INPP4B: variants seen among roughly 807,000 people sequenced by gnomAD.
INPP4B encodes the protein inositol polyphosphate 4-phosphatase type II.
Under a neutral mutation model 122.5 loss-of-function variants are expected in INPP4B, and 55 were observed. The ratio of observed to expected loss-of-function variants is 0.45; its 90% confidence interval spans 0.36 to 0.56. The LOEUF (loss-of-function observed/expected upper bound fraction) is 0.56. Ranked by LOEUF, INPP4B falls within the 20% of genes least tolerant of loss-of-function variation. The pLI, the probability that INPP4B is intolerant of heterozygous loss-of-function variation, is 0.00. For missense variants in INPP4B, 1,000 were observed against 1,097.7 expected (o/e 0.91, Z 1.26); for synonymous variants, 403 against 388.7 (o/e 1.04, Z -0.43).
intron 2 of INPP4B, among the ~76,000 whole-genome samples, chr4:142,643,486 C>G (rs1460435994): frequency 6.6e-6 from 1 of 152,150 alleles, no homozygotes; most frequent in African/African-American, 2.4e-5. Context: ...AAGCAAGCCT[C>G]TAATGCGCTG....
intron 3 of INPP4B, among the ~76,000 whole-genome samples, chr4:142,462,076 T>C (rs1816855602): frequency 6.6e-6 from 1 of 152,192 alleles, no homozygotes; most frequent in Admixed American, 6.5e-5. Flanking sequence ...TTTCTTTTTT[T>C]TCTTCATTTA....
intron 11 of INPP4B, among the ~76,000 whole-genome samples, chr4:142,247,219 C>T (rs1378197330): frequency 6.6e-6 from 1 of 152,168 alleles, no homozygotes; most frequent in African/African-American, 2.4e-5. Flanking sequence ...AGGATTTTCG[C>T]ATCAATATTC....
chr4:142,098,461 C>T (rs767443212), intron 23 of INPP4B, among the ~76,000 whole-genome samples: 9 of 152,026 alleles, frequency 5.9e-5, no homozygotes, highest in East Asian at 3.9e-4. Flanking sequence ...GTAGTGGATA[C>T]GAATGGACTA....
At chr4:142,063,735 T>A (rs1234264102) in intron 25 of INPP4B, among the ~76,000 whole-genome samples, 1 of 152,198 alleles carries the variant, frequency 6.6e-6, no homozygotes, top group Non-Finnish European at 1.5e-5. Flanking sequence ...CATCTTCCTT[T>A]CATCTTAGCA....
At chr4:142,320,174 A>G (rs536389462) in intron 7 of INPP4B, among the ~76,000 whole-genome samples, 3 of 152,238 alleles carry the variant, frequency 2.0e-5, no homozygotes, top group Non-Finnish European at 4.4e-5. Context: ...ATTCAGCAAC[A>G]GAGAATCTCC....
At chr4:142,109,550 CA>C (rs138157241) in intron 22 of INPP4B, among the ~76,000 whole-genome samples, 3,656 of 152,222 alleles carry the variant, frequency 0.024, 148 homozygotes, top group African/African-American at 0.084. Context: ...CCCTTAGCAG[CA>C]GTATTTCAAT....
chr4:142,756,133 GAA>G (rs1300043704), intron 1 of INPP4B, among the ~76,000 whole-genome samples: 1 of 152,002 alleles, frequency 6.6e-6, no homozygotes, highest in Admixed American at 6.6e-5. Context: ...GAAGTCTGAT[GAA>G]AAGATTCTAA....
intron 2 of INPP4B, among the ~76,000 whole-genome samples, chr4:142,653,860 G>C (rs750429618): frequency 9.3e-4 from 142 of 152,076 alleles, no homozygotes; most frequent in Admixed American, 2.1e-3. Flanking sequence ...CCCAGCGATC[G>C]CATTCCTGGG....
intron 23 of INPP4B, among the ~76,000 whole-genome samples, chr4:142,095,871 TACC>T (rs1183006804): frequency 3.9e-5 from 6 of 152,224 alleles, no homozygotes; most frequent in Admixed American, 1.3e-4. Context: ...AAGCTCAGTG[TACC>T]ACAATTATCG....
chr4:142,786,954 C>T (rs1430333866), intron 1 of INPP4B, among the ~76,000 whole-genome samples: 1 of 151,948 alleles, frequency 6.6e-6, no homozygotes, highest in Non-Finnish European at 1.5e-5. Flanking sequence ...GGAAAATAAA[C>T]TATATACATG....
At chr4:142,436,488 CA>C in intron 3 of INPP4B, among the ~76,000 whole-genome samples, 1 of 152,302 alleles carries the variant, frequency 6.6e-6, no homozygotes, top group East Asian at 1.9e-4. Context: ...ACACCCTATA[CA>C]GGAGCATTCC....
intron 2 of INPP4B, among the ~76,000 whole-genome samples, chr4:142,610,881 A>T (rs114692186): frequency 0.012 from 1,755 of 152,334 alleles, 31 homozygotes; most frequent in African/African-American, 0.032. Context: ...ACCAATTTTT[A>T]AATCTACTAG....
At chr4:142,808,904 T>C (rs1779174393) in intron 1 of INPP4B, among the ~76,000 whole-genome samples, 1 of 152,136 alleles carries the variant, frequency 6.6e-6, no homozygotes, top group African/African-American at 2.4e-5. Context: ...CCTAAATAAT[T>C]GTGGATTTGT....
intron 1 of INPP4B, among the ~76,000 whole-genome samples, chr4:142,791,256 A>T (rs1167344080): frequency 1.3e-5 from 2 of 152,148 alleles, no homozygotes. Flanking sequence ...TCAGAAATTT[A>T]CTGCTGTGTG....
chr4:142,156,312 C>T (rs2152889112), intron 17 of INPP4B, among the ~76,000 whole-genome samples: 1 of 152,082 alleles, frequency 6.6e-6, no homozygotes, highest in South Asian at 2.1e-4. Flanking sequence ...CACAGTGTTC[C>T]ACAGAATTTC....
At chr4:142,390,088 G>T (rs1281540450) in intron 7 of INPP4B, among the ~76,000 whole-genome samples, 1 of 151,974 alleles carries the variant, frequency 6.6e-6, no homozygotes, top group Admixed American at 6.6e-5. Context: ...TCTTTCACAG[G>T]AATTATAAAG....
chr4:142,362,722 A>T (rs1785902002), intron 7 of INPP4B, among the ~76,000 whole-genome samples: 1 of 152,018 alleles, frequency 6.6e-6, no homozygotes, highest in African/African-American at 2.4e-5. Context: ...ATCCCAAGAG[A>T]ATTGATGCAG....
At chr4:142,324,101 G>T (rs1409970901) in intron 7 of INPP4B, among the ~76,000 whole-genome samples, 2 of 152,128 alleles carry the variant, frequency 1.3e-5, no homozygotes, top group African/African-American at 4.8e-5. Flanking sequence ...AAGAAAAAGA[G>T]GAGATACCAG....
chr4:142,088,647 C>T (rs1447511730), intron 23 of INPP4B, among the ~76,000 whole-genome samples: 1 of 152,028 alleles, frequency 6.6e-6, no homozygotes, highest in Admixed American at 6.6e-5. Flanking sequence ...GCTTCAACTG[C>T]CTTTTCATAT....
Sources: gnomAD v4.1 joint callset for allele counts (sites outside exome capture counted in the v4.1 genomes callset) on GRCh38, gnomAD v4.1.1 for gene constraint, MANE v1.5 for transcripts, NCBI Gene and HGNC (gene_info 2026-07-23, HGNC 2026-07-21) for gene names.